ADCY6: variants seen among roughly 807,000 people sequenced by gnomAD.
ADCY6 encodes adenylate cyclase type 6.
ADCY6 carries 59 observed loss-of-function variants against 111.6 expected under a neutral mutation model. The ratio of observed to expected loss-of-function variants is 0.53; its 90% CI spans 0.43 to 0.66. The LOEUF is 0.66. Ranked by LOEUF, ADCY6 falls within the 30% of genes least tolerant of loss-of-function variation. The pLI is 0.00. For synonymous variants in ADCY6, 576 were observed against 642.9 expected (o/e 0.90, Z 1.57); for missense variants, 1,242 against 1,595.6 (o/e 0.78, Z 3.78).
chr12:48,777,067 G>A lies in ADCY6; in HGVS notation c.1376+37C>T, dbSNP rs754884440. On this transcript the variant is annotated intron_variant, in intron 6 of 21. Transcript: ENST00000357869. This position sits in a 1 kb window ranked among gnomAD's most constrained non-coding sequence, Gnocchi z 4.9. ...AAAGTAGGAGCAGTCTGGGGCACCCGCAATTCCAGGAAGCCTAGGAATGGG... is the reference window on the plus strand; with the variant it reads ...AAAGTAGGAGCAGTCTGGGGCACCCACAATTCCAGGAAGCCTAGGAATGGG... 2.6e-5 allele frequency: 40 copies of A among 1,547,868 alleles called. No individual in the cohort carries two copies. The highest frequency in any genetic ancestry group is 3.5e-5 in the Non-Finnish European group (40 of 1,145,942).
At chr12:48,775,280 C>T in intron 11 of ADCY6, 23 bp downstream of exon 11, 1 of 1,613,738 alleles carries the variant, frequency 6.2e-7, no homozygotes, top group Non-Finnish European at 8.5e-7. Context: ...AGCCCTTGTC[C>T]TTCTGCCCTG....
intron 2 of ADCY6, chr12:48,778,557 C>G (rs1178410573): frequency 2.6e-6 from 1 of 386,780 alleles, no homozygotes; most frequent in Non-Finnish European, 4.8e-6. Flanking sequence ...CACCCTGTAT[C>G]TCCTGCTCCT....
At chr12:48,778,077 G>C in intron 3 of ADCY6, 31 bp downstream of exon 3, 1 of 1,586,060 alleles carries the variant, frequency 6.3e-7, no homozygotes, top group Non-Finnish European at 8.6e-7. Context: ...GTAAGGTGGG[G>C]GCAGGCCCTG....
Position 48,769,042 on chromosome 12 carries a change from G to A in ADCY6, c.3276C>T (p.Val1092=), listed in dbSNP as rs368730825. The part of the protein sequence containing the change: ...QMKIGLNMGP[V]VAGVIGARKP... ...TCCGAGCCCCGATGACACCTGCCAC[G>A]ACTGGGCCCATGTTCAGCCCTGAGG... The change falls in exon 21 of 22, where the codon GTC becomes GTT. Residue 1092 remains valine (V), a synonymous_variant. Transcript: ENST00000357869. 3.5e-5 allele frequency: 57 copies of A among 1,612,794 alleles called. No homozygotes were observed. Among genetic ancestry groups the A allele is most frequent in the South Asian group, 6.6e-5 (6 of 90,690 alleles).
rs1323912645 is a variant in ADCY6 at position 48,776,130 on chromosome 12, C to T, written c.1678-39G>A. 3.1e-6 allele frequency: 5 copies of T among 1,613,748 alleles called. No individual in the cohort carries two copies. In the African/African-American group the frequency reaches 4.0e-5, roughly 13 times the overall value. ...ATGGGTACAGGCTCAGAAGAGGGGC[C>T]CAGAGGAGGCCTTGGCCTGCTCCTC... On this transcript the variant is annotated intron_variant, in intron 8 of 21. Transcript: ENST00000357869. This position sits in a 1 kb window ranked among gnomAD's most constrained non-coding sequence, Gnocchi z 6.1.
chr12:48,770,518 CTCTCTGAGAGTCAG>C (rs1248431277), intron 20 of ADCY6, among the ~76,000 whole-genome samples: 1 of 152,216 alleles, frequency 6.6e-6, no homozygotes, highest in Non-Finnish European at 1.5e-5. Flanking sequence ...GTTATTTAAT[CTCTCTGAGAGTCAG>C]TCTCTATCCA....
Position 48,772,421 on chromosome 12 carries a change from T to C in ADCY6, c.2661A>G (p.Pro887=). 1 of 1,614,120 alleles carries C rather than the reference T, an allele frequency of 6.2e-7. No homozygotes were observed. The highest frequency in any genetic ancestry group is 8.5e-7 in the Non-Finnish European group (1 of 1,179,992). ...SNETFDGLDC[P]AAGRVALKYM... Reference sequence around the variant, plus strand: ...ATTTGAGGGCCACCCTCCCTGCAGCTGGACTAAGGATAAGCAGAGACATGC... The same window carrying C: ...ATTTGAGGGCCACCCTCCCTGCAGCCGGACTAAGGATAAGCAGAGACATGC... Residue 887 remains proline, a synonymous_variant, in exon 18 of 22, where the codon CCA becomes CCG. Coordinates refer to ENST00000357869, the MANE Select transcript of ADCY6 (RefSeq NM_015270.5).
intron 1 of ADCY6, among the ~76,000 whole-genome samples, chr12:48,785,874 T>A (rs1941970798): frequency 6.6e-6 from 1 of 152,154 alleles, no homozygotes; most frequent in Non-Finnish European, 1.5e-5. Context: ...TGGCCCAAGT[T>A]ATAGAGATCA....
chr12:48,771,915 T>G lies in ADCY6; in HGVS notation c.2846A>C (p.His949Pro). ...ELQAYNRRLL[H>P]NILPKDVAAH... ...CGCCACGTCCTTGGGCAGAATGTTATGCAGCAGCCTCCGGTTGTATGCCTG... is the reference window on the plus strand; with the variant it reads ...CGCCACGTCCTTGGGCAGAATGTTAGGCAGCAGCCTCCGGTTGTATGCCTG... Residue 949 changes from histidine (H) to proline (P), a missense_variant, in exon 19 of 22, where the codon CAT (histidine) becomes CCT (proline). Physicochemically the swap from His to Pro is moderately conservative, Grantham distance 77. This residue lies in a region of ADCY6 where 245 missense variants were observed against 371.3 expected (regional missense o/e 0.66). Coordinates refer to ENST00000357869, the MANE Select transcript of ADCY6 (RefSeq NM_015270.5). This position sits in a 1 kb window ranked among gnomAD's most constrained non-coding sequence, Gnocchi z 4.3. 1 of 1,614,204 alleles carries G rather than the reference T, an allele frequency of 6.2e-7. No individual in the cohort carries two copies. Among genetic ancestry groups the G allele is most frequent in the Non-Finnish European group, 8.5e-7 (1 of 1,180,036 alleles).
intron 1 of ADCY6, among the ~76,000 whole-genome samples, chr12:48,785,339 G>A (rs910190600): frequency 4.6e-5 from 7 of 152,198 alleles, no homozygotes; most frequent in African/African-American, 1.7e-4. Context: ...GTTCATTGAG[G>A]CCAGGTATGG....
rs1478728868 is a variant in ADCY6 at position 48,777,384 on chromosome 12, C to T, written c.1248+26G>A. ...CTCTCACCACGGTCAACACCCAGGC[C>T]CAATCCCAAGGCCCAGCACCCTCAC... On this transcript the variant is annotated intron_variant, in intron 5 of 21. Transcript: ENST00000357869. This position sits in a 1 kb window ranked among gnomAD's most constrained non-coding sequence, Gnocchi z 4.9. The T allele has an allele frequency of 6.2e-6, 10 of 1,612,358 alleles. No homozygotes were observed. Among genetic ancestry groups the T allele is most frequent in the Non-Finnish European group, 8.5e-6 (10 of 1,178,686 alleles).
In ADCY6 at chr12:48,772,289, A is replaced by G. The variant is rs763680788; in HGVS notation, c.2787+6T>C. The G allele has an allele frequency of 5.0e-6, 8 of 1,609,616 alleles. No individual in the cohort carries two copies. The African/African-American group carries it at 1.1e-4, about 22-fold the overall frequency. On this transcript the variant is annotated splice_donor_region_variant and intron_variant, in intron 18 of 21. Transcript: ENST00000357869. ...CTCCTCTTCCCCCAAAGGCCCACAC[A>G]GTCACCTGTAGTTTCCAGAGGAAGT... is the stretch of plus-strand genomic sequence containing the variant.
chr12:48,776,576 C>G lies in ADCY6; in HGVS notation c.1387G>C (p.Glu463Gln). The change falls in exon 7 of 22, where the codon GAG becomes CAG. Residue 463 changes from glutamate (E) to glutamine (Q), a missense_variant. By Grantham distance (29) the Glu-to-Gln change is conservative. Transcript: ENST00000357869. The surrounding 1 kb of genome is among the most constrained non-coding windows in gnomAD (Gnocchi z 6.1). ...DMIEAISLVREVTGVNVNMRV... is the reference protein window; with the variant it reads ...DMIEAISLVRQVTGVNVNMRV... ...ATGTTCACATTCACACCTGTCACCT[C>G]ACGTACCAGCCTGGGAGGATGCAGC... The G allele has an allele frequency of 6.2e-7, 1 of 1,609,448 alleles. No individual in the cohort carries two copies. The highest frequency in any genetic ancestry group is 8.5e-7 in the Non-Finnish European group (1 of 1,178,936).
rs1275127833 is a variant in ADCY6, at chr12:48,771,908, A to G, written c.2853T>C (p.Ile951=). The change falls in exon 19 of 22, where the codon ATT becomes ATC. Residue 951 remains isoleucine (I), a synonymous_variant. Coordinates refer to ENST00000357869, the MANE Select transcript of ADCY6 (RefSeq NM_015270.5). The surrounding 1 kb of genome is among the most constrained non-coding windows in gnomAD (Gnocchi z 4.3). ...QAYNRRLLHN[I]LPKDVAAHFL... is the part of the protein sequence containing the mutation. ...AGTGGGCCGCCACGTCCTTGGGCAG[A>G]ATGTTATGCAGCAGCCTCCGGTTGT... 6 of 1,614,134 alleles carry G rather than the reference A, an allele frequency of 3.7e-6. No homozygotes were observed. The highest frequency in any genetic ancestry group is 5.1e-6 in the Non-Finnish European group (6 of 1,180,036).
rs1449268674 is a variant in ADCY6, at chr12:48,771,337, A to G, written c.3052-367T>C. ...CATTCCTGATCTGGATGTTCAGGAC[A>G]CTACCTCACATTTTGCTTCAATTTT... On this transcript the variant is annotated intron_variant, in intron 19 of 21. Transcript: ENST00000357869. The surrounding 1 kb of genome is among the most constrained non-coding windows in gnomAD (Gnocchi z 4.3). 4.2e-6 allele frequency: 2 copies of G among 481,888 alleles called. No individual in the cohort carries two copies. Among genetic ancestry groups the G allele is most frequent in the African/African-American group, 1.9e-5 (1 of 51,420 alleles). 29.9% of individuals were successfully genotyped at this position (481,888 alleles called of 1,614,324 possible).
rs1413353762 is a variant in ADCY6, at chr12:48,775,689, C to A, written c.1816G>T (p.Asp606Tyr). The A allele has an allele frequency of 6.2e-7, 1 of 1,613,626 alleles. No individual in the cohort carries two copies. The highest frequency in any genetic ancestry group is 1.3e-5 in the African/African-American group (1 of 75,024). The change falls in exon 10 of 22, where the codon GAT (aspartate) becomes TAT (tyrosine). Residue 606 changes from aspartate to tyrosine, a missense_variant. Asp to Tyr is a radical substitution (Grantham distance 160). Around this residue, in one of 4 missense-constraint regions of ADCY6, gnomAD observed 375 missense variants for 432.5 expected, o/e 0.87. Transcript: ENST00000357869. ...SKAFRQMGID[D>Y]SSKDNRGTQD... ...CTGACTTACTTGTCTTTGCTGGAAT[C>A]ATCAATGCCCTGGAGAAAGGGACAG...
At chr12:48,774,252 C>A in intron 14 of ADCY6, 150 bp downstream of exon 14, 2 of 1,077,932 alleles carry the variant, frequency 1.9e-6, no homozygotes, top group South Asian at 1.5e-5. Flanking sequence ...GTTGGGAGAA[C>A]AAGGAAGGAG....
chr12:48,768,021 C>T lies in ADCY6; in HGVS notation c.*570G>A, dbSNP rs1335272305. ...TCTCCTGAAATATGGCCAAAGCTGG[C>T]TCCCCAGAGCTTCTCCCTCCTCTGC... On this transcript the variant is annotated 3_prime_UTR_variant, in exon 22 of 22. Transcript: ENST00000357869. 1.9e-5 allele frequency: 3 copies of T among 157,142 alleles called. No homozygotes were observed. The highest frequency in any genetic ancestry group is 4.3e-5 in the Non-Finnish European group (3 of 70,472). 9.7% of individuals were successfully genotyped at this position (157,142 alleles called of 1,614,324 possible).
At chr12:48,768,813 C>G (rs1402641085) in intron 21 of ADCY6, 97 bp from the exon 22 acceptor site, 2 of 1,557,362 alleles carry the variant, frequency 1.3e-6, no homozygotes, top group East Asian at 2.3e-5. Context: ...TCCCTTCCCC[C>G]AGTCCCTGCC....
Sources: allele counts gnomAD v4.1 joint callset (sites outside exome capture counted in the v4.1 genomes callset), GRCh38; gene constraint gnomAD v4.1.1; regional missense constraint gnomAD v4.1.1; non-coding constraint Gnocchi (gnomAD v3.1); transcripts MANE v1.5; gene names NCBI Gene and HGNC (gene_info 2026-07-23, HGNC 2026-07-21).